The following HDX variants were observed in gnomAD, a reference collection of about 807,000 sequenced individuals.
The protein encoded by HDX is highly divergent homeobox.
Under a neutral mutation model 45.2 loss-of-function variants are expected in HDX, and 19 were observed. The observed-to-expected ratio is 0.42, with a 90% CI of 0.29 to 0.62. HDX has a LOEUF of 0.62. HDX is among the 20% of genes least tolerant of loss of function. The pLI is 0.20. For missense variants in HDX, 532 were observed against 493.9 expected, an observed-to-expected ratio of 1.08 and a Z score of -0.73; for synonymous variants, 188 against 172.8, an observed-to-expected ratio of 1.09 and a Z score of -0.69.
intron 2 of HDX, among the ~76,000 whole-genome samples, chrX:84,481,188 T>C (rs2040671881): frequency 9.0e-6 from 1 of 111,412 alleles, no homozygotes; most frequent in Admixed American, 9.6e-5. Flanking sequence ...TGATGTACCT[T>C]TTTTCTTCTT....
intron 5 of HDX, among the ~76,000 whole-genome samples, chrX:84,418,622 G>T (rs762716961): frequency 2.4e-4 from 26 of 109,439 alleles, no homozygotes; most frequent in Middle Eastern, 9.4e-3. Flanking sequence ...TTGAAGTTAT[G>T]CAATCAAAGG....
At chrX:84,483,295 C>T (rs2148177538) in intron 2 of HDX, among the ~76,000 whole-genome samples, 1 of 112,399 alleles carries the variant, frequency 8.9e-6, no homozygotes, top group East Asian at 2.8e-4. Flanking sequence ...CAGAGGTTCT[C>T]CATGAGGGCT....
chrX:84,482,560 T>C lies in HDX; in HGVS notation c.-1+5464A>G, dbSNP rs936539337. Among the ~76,000 whole-genome samples the C allele has an allele frequency of 4.5e-5, 5 of 111,526 alleles. No individual in the cohort carries two copies. The East Asian group carries it at 1.4e-3, about 32-fold the overall frequency. On this transcript the variant is annotated intron_variant, in intron 2 of 10. Coordinates refer to ENST00000373177, the MANE Select transcript of HDX (RefSeq NM_001177479.2). The stretch of plus-strand genomic sequence containing the variant: ...CTTACTCATTATCATAAGAATAGCA[T>C]GGGAGAAACTAGCCCCATGAGTCAA...
chrX:84,454,522 C>T (rs2148100607), intron 4 of HDX, among the ~76,000 whole-genome samples: 1 of 111,161 alleles, frequency 9.0e-6, no homozygotes, highest in African/African-American at 3.3e-5. Flanking sequence ...GTTGACAGGA[C>T]TTTGTCTTGT....
chrX:84,438,956 T>TCCAAGCTG (rs1237374583), intron 5 of HDX, among the ~76,000 whole-genome samples: 1 of 112,202 alleles, frequency 8.9e-6, no homozygotes, highest in African/African-American at 3.2e-5. Flanking sequence ...TTGAGAAATC[T>TCCAAGCTG]CCAAGCTGCT....
At chrX:84,384,450 AT>A (rs1302319124) in intron 5 of HDX, among the ~76,000 whole-genome samples, 1 of 107,103 alleles carries the variant, frequency 9.3e-6, no homozygotes, top group African/African-American at 3.4e-5. Flanking sequence ...GTTTGTGAAT[AT>A]TTTTTTCCCA....
At chrX:84,327,061 C>T (rs756994571) in intron 9 of HDX, among the ~76,000 whole-genome samples, 1 of 111,810 alleles carries the variant, frequency 8.9e-6, no homozygotes, top group Non-Finnish European at 1.9e-5. Context: ...CCTGAAATTA[C>T]TAAGATTGTC....
intron 5 of HDX, among the ~76,000 whole-genome samples, chrX:84,376,097 G>T (rs776534371): frequency 1.8e-5 from 2 of 112,318 alleles, no homozygotes; most frequent in South Asian, 7.4e-4. Flanking sequence ...CACCTGCTAG[G>T]CCCTAGCTCC....
chrX:84,373,810 T>G (rs765669087), intron 5 of HDX, among the ~76,000 whole-genome samples: 2 of 111,563 alleles, frequency 1.8e-5, no homozygotes, highest in Non-Finnish European at 3.8e-5. Flanking sequence ...TCATACTGAT[T>G]GTGCAAAAAC....
At chrX:84,455,080 C>T (rs1347008015) in intron 4 of HDX, among the ~76,000 whole-genome samples, 1 of 111,191 alleles carries the variant, frequency 9.0e-6, no homozygotes, top group African/African-American at 3.3e-5. Context: ...CCTTTGAATA[C>T]TTGAAAAGCC....
intron 5 of HDX, among the ~76,000 whole-genome samples, chrX:84,404,389 G>A (rs1242424167): frequency 9.0e-6 from 1 of 111,382 alleles, no homozygotes; most frequent in Non-Finnish European, 1.9e-5. Context: ...GGCATGATTC[G>A]ACAAACTTAG....
At chrX:84,351,722 A>C (rs919493276) in intron 6 of HDX, among the ~76,000 whole-genome samples, 1 of 111,302 alleles carries the variant, frequency 9.0e-6, no homozygotes, top group Non-Finnish European at 1.9e-5. Context: ...AGTGTCATTC[A>C]TGGGGTCCCA....
intron 1 of HDX, among the ~76,000 whole-genome samples, chrX:84,500,913 G>GTGTT (rs1276503677): frequency 9.0e-6 from 1 of 111,713 alleles, no homozygotes; most frequent in African/African-American, 3.3e-5. Context: ...GTTGAAAGAA[G>GTGTT]TGTTCACAGA....
intron 5 of HDX, among the ~76,000 whole-genome samples, chrX:84,366,186 A>G (rs1270858154): frequency 8.9e-6 from 1 of 111,786 alleles, no homozygotes; most frequent in Non-Finnish European, 1.9e-5. Flanking sequence ...CTATACACCA[A>G]TAATAGACAA....
chrX:84,388,890 C>T (rs2147925979), intron 5 of HDX, among the ~76,000 whole-genome samples: 1 of 111,433 alleles, frequency 9.0e-6, no homozygotes, highest in East Asian at 2.8e-4. Context: ...GACACTCTGG[C>T]TTTTTTAATT....
chrX:84,437,972 A>T (rs2039675471), intron 5 of HDX, among the ~76,000 whole-genome samples: 1 of 110,997 alleles, frequency 9.0e-6, no homozygotes, highest in African/African-American at 3.3e-5. Flanking sequence ...TTGTCAGCAA[A>T]ACTTCCAGTT....
chrX:84,372,477 G>A (rs181866321), intron 5 of HDX, among the ~76,000 whole-genome samples: 1 of 111,881 alleles, frequency 8.9e-6, no homozygotes, highest in East Asian at 2.8e-4. Flanking sequence ...TGGTACATAA[G>A]CACACAGCAA....
intron 5 of HDX, among the ~76,000 whole-genome samples, chrX:84,423,401 A>G (rs1198542384): frequency 9.2e-6 from 1 of 109,221 alleles, no homozygotes; most frequent in Non-Finnish European, 1.9e-5. Flanking sequence ...AACTATTCCA[A>G]GAAATACAGA....
rs2147731638 is a variant in HDX, at chrX:84,317,880, A to C, written c.*4009T>G. ...TAAAATAAAGAAATAGATGTCTATTAGTTGGAAATCATTTATTGCCTCTAT... is the reference window on the plus strand; with the variant it reads ...TAAAATAAAGAAATAGATGTCTATTCGTTGGAAATCATTTATTGCCTCTAT... On this transcript the variant is annotated 3_prime_UTR_variant, in exon 11 of 11. Coordinates refer to ENST00000373177, the MANE Select transcript of HDX (RefSeq NM_001177479.2). 1 of 111,266 alleles carries C rather than the reference A, an allele frequency of 9.0e-6. No individual in the cohort carries two copies. Among genetic ancestry groups the C allele is most frequent in the East Asian group, 2.8e-4 (1 of 3,555 alleles). 9.2% of individuals were successfully genotyped at this position (111,266 alleles called of 1,213,427 possible).
Sources: allele counts gnomAD v4.1 joint callset (sites outside exome capture counted in the v4.1 genomes callset), GRCh38; gene constraint gnomAD v4.1.1; transcripts MANE v1.5; gene names NCBI Gene and HGNC (gene_info 2026-07-23, HGNC 2026-07-21).